The following PAX7 variants were observed in gnomAD, a reference collection of about 807,000 sequenced individuals.
The protein encoded by PAX7 is paired box protein Pax-7.
A neutral mutation model predicts 50.7 loss-of-function variants in PAX7; 18 were observed. The ratio of observed to expected loss-of-function variants is 0.36; its 90% CI spans 0.25 to 0.53. The LOEUF is 0.53. PAX7 is among the 20% of genes least tolerant of loss of function. The probability of loss-of-function intolerance (pLI) is 0.93; values close to 1 mark genes in which losing one functional copy is unlikely to be tolerated. For synonymous variants in PAX7, 310 were observed against 290.4 expected (o/e 1.07, Z -0.69); for missense variants, 644 against 702.9 (o/e 0.92, Z 0.95).
At chr1:18,714,125 T>A (rs10907327) in intron 7 of PAX7, among the ~76,000 whole-genome samples, 70,440 of 151,882 alleles carry the variant, frequency 0.46, 18,211 homozygotes, top group Non-Finnish European at 0.59. Flanking sequence ...GAGAATTGCT[T>A]GGACCCCGGA....
chr1:18,699,721 C>T (rs189427343), intron 5 of PAX7, among the ~76,000 whole-genome samples: 20 of 152,168 alleles, frequency 1.3e-4, no homozygotes, highest in African/African-American at 4.1e-4. Context: ...CCACCATGCC[C>T]GGCTAATTTT....
rs759283359 is a variant in PAX7, at chr1:18,691,760, G to A, written c.593G>A (p.Arg198Gln). 6.0e-5 allele frequency: 95 copies of A among 1,575,622 alleles called. No homozygotes were observed. The Admixed American group carries it at 1.2e-3, about 21-fold the overall frequency. The change falls in exon 5 of 9, where the codon CGG becomes CAG. Residue 198 changes from arginine (R) to glutamine (Q), a missense_variant. Physicochemically the swap from Arg to Gln is conservative, Grantham distance 43. Transcript: ENST00000420770. The part of the protein sequence containing the change: ...IDGILGDKGN[R>Q]LDEGSDVESE... Reference sequence around the variant, plus strand: ...CCCTCTCCTCCGGCTGTAGGGAACCGGCTGGACGAGGGCTCGGATGTGGAG... The same window carrying A: ...CCCTCTCCTCCGGCTGTAGGGAACCAGCTGGACGAGGGCTCGGATGTGGAG...
chr1:18,682,534 C>T (rs1255951433), intron 4 of PAX7, among the ~76,000 whole-genome samples: 1 of 152,202 alleles, frequency 6.6e-6, no homozygotes, highest in African/African-American at 2.4e-5. Context: ...CAGTGGAGAA[C>T]TGGGGATGGG....
chr1:18,719,758 C>A (rs1376623918), intron 7 of PAX7, among the ~76,000 whole-genome samples: 5 of 152,066 alleles, frequency 3.3e-5, no homozygotes, highest in Non-Finnish European at 5.9e-5. Flanking sequence ...CCCCAACCAA[C>A]TTCATTCTCC....
chr1:18,661,542 C>T (rs1337096565), intron 4 of PAX7, among the ~76,000 whole-genome samples: 8 of 152,300 alleles, frequency 5.3e-5, no homozygotes, highest in Admixed American at 4.6e-4. Flanking sequence ...CCCACTGCCC[C>T]GCCCTGTAAC....
chr1:18,697,957 G>C (rs1372132901), intron 5 of PAX7, among the ~76,000 whole-genome samples: 1 of 151,978 alleles, frequency 6.6e-6, no homozygotes, highest in African/African-American at 2.4e-5. Context: ...AAGTTTGAGA[G>C]GAGAAGGTGG....
intron 4 of PAX7, among the ~76,000 whole-genome samples, chr1:18,661,800 G>T (rs545309255): frequency 7.5e-4 from 114 of 152,294 alleles, no homozygotes; most frequent in African/African-American, 2.5e-3. Flanking sequence ...AATTACCCAG[G>T]GACAATGGAG....
intron 2 of PAX7, 100 bp from the exon 3 acceptor site, chr1:18,635,011 C>A (rs904072815): frequency 2.8e-6 from 4 of 1,437,008 alleles, no homozygotes; most frequent in Non-Finnish European, 3.8e-6. Flanking sequence ...GTAACCAGAA[C>A]CACCAGCCTG....
At chr1:18,695,344 A>G (rs966455234) in intron 5 of PAX7, among the ~76,000 whole-genome samples, 1 of 152,230 alleles carries the variant, frequency 6.6e-6, no homozygotes, top group African/African-American at 2.4e-5. Flanking sequence ...ACATTCACCC[A>G]GCAGTCATTT....
chr1:18,645,523 AC>A (rs2088325315), intron 4 of PAX7, among the ~76,000 whole-genome samples: 1 of 152,194 alleles, frequency 6.6e-6, no homozygotes, highest in Non-Finnish European at 1.5e-5. Context: ...TGGGTTCTCT[AC>A]AGTCCCAAGC....
rs1285922002 is a variant in PAX7 at position 18,747,482 on chromosome 1, T to A, written c.*2553T>A. The A allele has an allele frequency of 9.2e-6, 2 of 217,944 alleles. No individual in the cohort carries two copies. Among genetic ancestry groups the A allele is most frequent in the East Asian group, 1.3e-4 (2 of 14,924 alleles). The allele number at this position is 217,944 out of a possible 1,614,324, so 13.5% of individuals were successfully genotyped here. The stretch of plus-strand genomic sequence containing the variant: ...CGTATATTAACGCATCTGGCCAACT[T>A]GGGTTATAAAATTCAGCCTTGTGTT... On this transcript the variant is annotated 3_prime_UTR_variant, in exon 9 of 9. Coordinates refer to ENST00000420770, the MANE Select transcript of PAX7 (RefSeq NM_001135254.2).
chr1:18,729,634 G>A (rs2089620404), intron 7 of PAX7, among the ~76,000 whole-genome samples: 1 of 152,200 alleles, frequency 6.6e-6, no homozygotes, highest in African/African-American at 2.4e-5. Context: ...TCAGTTGTGT[G>A]TCCTGCAGAG....
chr1:18,660,009 T>C (rs2088578604), intron 4 of PAX7, among the ~76,000 whole-genome samples: 1 of 152,136 alleles, frequency 6.6e-6, no homozygotes, highest in African/African-American at 2.4e-5. Context: ...CGTGGGGTGG[T>C]TGAGGGGAAG....
intron 4 of PAX7, among the ~76,000 whole-genome samples, chr1:18,664,150 A>C (rs1318111102): frequency 6.6e-6 from 1 of 152,252 alleles, no homozygotes; most frequent in Non-Finnish European, 1.5e-5. Context: ...TCAGCTCTGG[A>C]AGCATCCAGT....
rs181365423 is a variant in PAX7, at chr1:18,728,271, G to A, written c.1156-7361G>A. ...CATCGGGGAGGCCGGTGGATCTGTG[G>A]CCAGCGGGATGGGTGCCTGCGGGTT... On this transcript the variant is annotated intron_variant, in intron 7 of 8. Coordinates refer to ENST00000420770, the MANE Select transcript of PAX7 (RefSeq NM_001135254.2). 7.7e-4 allele frequency among the ~76,000 whole-genome samples: 117 copies of A among 152,188 alleles called. No individual in the cohort carries two copies. The East Asian group carries it at 0.013, about 17-fold the overall frequency.
At chr1:18,706,231 G>T (rs2089281665) in intron 7 of PAX7, among the ~76,000 whole-genome samples, 2 of 152,144 alleles carry the variant, frequency 1.3e-5, no homozygotes, top group African/African-American at 4.8e-5. Flanking sequence ...AGGATCTGCA[G>T]GGAGACGCCC....
chr1:18,656,606 C>A lies in PAX7; in HGVS notation c.586+20235C>A, dbSNP rs187796358. Among the ~76,000 whole-genome samples the A allele has an allele frequency of 1.8e-4, 28 of 152,250 alleles. No homozygotes were observed. In the East Asian group the frequency reaches 4.8e-3, roughly 26 times the overall value. On this transcript the variant is annotated intron_variant, in intron 4 of 8. Transcript: ENST00000420770. ...GGAAAGATTCAAGTTTGAATTTCAG[C>A]TTCCTGGTATGAGACTCTAGATCAC...
chr1:18,696,946 A>T (rs2089157217), intron 5 of PAX7, among the ~76,000 whole-genome samples: 3 of 152,212 alleles, frequency 2.0e-5, no homozygotes, highest in African/African-American at 7.2e-5. Context: ...GCTTGAGGTG[A>T]TGGATACCCC....
intron 4 of PAX7, among the ~76,000 whole-genome samples, chr1:18,665,517 A>G (rs924088177): frequency 6.6e-6 from 1 of 152,052 alleles, no homozygotes; most frequent in African/African-American, 2.4e-5. Flanking sequence ...CTGGGACTAT[A>G]GGCACGTGCC....
Sources: gnomAD v4.1 joint callset for allele counts (sites outside exome capture counted in the v4.1 genomes callset) on GRCh38, gnomAD v4.1.1 for gene constraint, MANE v1.5 for transcripts, NCBI Gene and HGNC (gene_info 2026-07-23, HGNC 2026-07-21) for gene names.